The following PCDHGA3 variants were observed in gnomAD, a reference collection of about 807,000 sequenced individuals.
The protein encoded by PCDHGA3 is protocadherin gamma-A3.
In PCDHGA3, 40 loss-of-function variants were observed where a neutral mutation model predicts 58.5. The ratio of observed to expected loss-of-function variants is 0.68; its 90% CI spans 0.53 to 0.89. The LOEUF is 0.89. PCDHGA3 is among the 40% of genes least tolerant of loss of function. The pLI is 0.00. For synonymous variants in PCDHGA3, 530 were observed against 525.7 expected (o/e 1.01, Z -0.11); for missense variants, 1,223 against 1,195.9 (o/e 1.02, Z -0.33).
At chr5:141,483,745 T>C (rs1288301129) in intron 1 of PCDHGA3, among the ~76,000 whole-genome samples, 1 of 152,130 alleles carries the variant, frequency 6.6e-6, no homozygotes, top group Non-Finnish European at 1.5e-5. Flanking sequence ...AGGATATTCC[T>C]GAGGATCGAG....
At chr5:141,463,725 C>T (rs1259646105) in intron 1 of PCDHGA3, among the ~76,000 whole-genome samples, 2 of 152,026 alleles carry the variant, frequency 1.3e-5, no homozygotes, top group Non-Finnish European at 1.5e-5. Context: ...GGATTACAGG[C>T]ATGAGCCACC....
intron 1 of PCDHGA3, chr5:141,416,492 A>G (rs183273356): frequency 1.4e-4 from 22 of 152,306 alleles, no homozygotes; most frequent in Admixed American, 1.4e-3. Flanking sequence ...AACAGGAGCA[A>G]GAGATATATG....
intron 1 of PCDHGA3, chr5:141,365,318 A>G (rs1588611764): frequency 1.2e-6 from 2 of 1,613,922 alleles, no homozygotes; most frequent in East Asian, 2.2e-5. Flanking sequence ...TCTTGTTGCC[A>G]GCGCTAAGGT....
intron 1 of PCDHGA3, chr5:141,478,217 G>A: frequency 2.5e-6 from 4 of 1,614,094 alleles, no homozygotes. Flanking sequence ...TCTAATCCTG[G>A]TTTCTGTGGG....
chr5:141,419,354 C>G (rs1444462815), intron 1 of PCDHGA3: 1 of 1,613,828 alleles, frequency 6.2e-7, no homozygotes, highest in Admixed American at 1.7e-5. Flanking sequence ...CCTGGAGTCA[C>G]GAACGCTGTC....
chr5:141,383,505 G>C (rs1461557707), intron 1 of PCDHGA3: 10 of 1,612,818 alleles, frequency 6.2e-6, no homozygotes, highest in Admixed American at 1.7e-5. Context: ...TGCTGGACCG[G>C]GAGGAAGAGC....
At chr5:141,359,134 T>C (rs1761128999) in intron 1 of PCDHGA3, among the ~76,000 whole-genome samples, 2 of 152,242 alleles carry the variant, frequency 1.3e-5, no homozygotes, top group African/African-American at 4.8e-5. Flanking sequence ...ATACATAGAG[T>C]AAGCTGGAAT....
chr5:141,351,809 G>T, intron 1 of PCDHGA3: 2 of 1,613,290 alleles, frequency 1.2e-6, no homozygotes, highest in South Asian at 1.1e-5. Flanking sequence ...GCGCGCCTTC[G>T]ACCACGAGCA....
rs1193913863 is a variant in PCDHGA3, at chr5:141,344,427, A to G, written c.394A>G (p.Asn132Asp). 2 of 1,613,058 alleles carry G rather than the reference A, an allele frequency of 1.2e-6. No individual in the cohort carries two copies. The highest frequency in any genetic ancestry group is 1.7e-6 in the Non-Finnish European group (2 of 1,179,524). The change falls in exon 1 of 4, where the codon AAT becomes GAT. Residue 132 changes from asparagine to aspartate, a missense_variant. By Grantham distance (23) the Asn-to-Asp change is conservative. This residue lies in a region of PCDHGA3 where 791 missense variants were observed against 708.5 expected (regional missense o/e 1.12). Transcript: ENST00000253812. ...TAAAGATATTAATGATAATGCTCCT[A>G]ATTTCCCAACAGAGGAATTGGAAAT... ...EIKDINDNAP[N>D]FPTEELEIKI...
chr5:141,373,545 G>A (rs1396644712), intron 1 of PCDHGA3, among the ~76,000 whole-genome samples: 1 of 152,122 alleles, frequency 6.6e-6, no homozygotes, highest in African/African-American at 2.4e-5. Context: ...TGTGGTTGTT[G>A]GTACCCTTAC....
chr5:141,376,530 G>C (rs200613052), intron 1 of PCDHGA3: 3 of 1,613,550 alleles, frequency 1.9e-6, no homozygotes, highest in African/African-American at 1.3e-5. Context: ...CCGCCTAAGC[G>C]GGAAGAGTAA....
At position 141,476,632 on chromosome 5, in the gene PCDHGA3, T is replaced by A. The variant is rs994726301; in HGVS notation, c.2425-18175T>A. ...TGGGAAGCAACTCTTTACAAACCTATGAGCTGAGCCGAAATGAATACTTTG... is the reference window on the plus strand; with the variant it reads ...TGGGAAGCAACTCTTTACAAACCTAAGAGCTGAGCCGAAATGAATACTTTG... On this transcript the variant is annotated intron_variant, in intron 1 of 3. Transcript: ENST00000253812. The surrounding 1 kb of genome is among the most constrained non-coding windows in gnomAD (Gnocchi z 7.6). 1 of 1,614,216 alleles carries A rather than the reference T, an allele frequency of 6.2e-7. No individual in the cohort carries two copies. The highest frequency in any genetic ancestry group is 8.5e-7 in the Non-Finnish European group (1 of 1,180,028).
intron 1 of PCDHGA3, among the ~76,000 whole-genome samples, chr5:141,437,034 C>T (rs1282216386): frequency 1.3e-5 from 2 of 152,194 alleles, no homozygotes. Context: ...AAATGGATCA[C>T]CGAAACCAGA....
chr5:141,374,934 T>C (rs1296373171), intron 1 of PCDHGA3: 2 of 1,614,038 alleles, frequency 1.2e-6, no homozygotes, highest in Admixed American at 1.7e-5. Context: ...TTTGTGAAGA[T>C]TACAGAAAAG....
At chr5:141,472,980 CAAA>C (rs60579131) in intron 1 of PCDHGA3, among the ~76,000 whole-genome samples, 10 of 86,092 alleles carry the variant, frequency 1.2e-4, no homozygotes, top group Non-Finnish European at 1.2e-4. Context: ...GAGTGAAACT[CAAA>C]AAAAAAAAAA....
At chr5:141,423,050 G>T (rs1434973750) in intron 1 of PCDHGA3, 2 of 1,614,068 alleles carry the variant, frequency 1.2e-6, no homozygotes, top group Admixed American at 1.7e-5. Context: ...CTGTCCTATC[G>T]CCTGCTTAAG....
rs2099713635 is a variant in PCDHGA3, at chr5:141,491,418, T to C, written c.2425-3389T>C. The C allele has an allele frequency of 6.2e-7, 1 of 1,613,796 alleles. No individual in the cohort carries two copies. Among genetic ancestry groups the C allele is most frequent in the Non-Finnish European group, 8.5e-7 (1 of 1,179,944 alleles). On this transcript the variant is annotated intron_variant, in intron 1 of 3. Transcript: ENST00000253812. The surrounding 1 kb of genome is among the most constrained non-coding windows in gnomAD (Gnocchi z 6.9). The stretch of plus-strand genomic sequence containing the variant: ...AGGGAAACGCAGACGGGGACGGGGG[T>C]GGAGGGCAGTGCTGCAGGCGCCAGG...
intron 1 of PCDHGA3, chr5:141,391,093 C>A (rs1473023690): frequency 6.6e-6 from 1 of 152,148 alleles, no homozygotes; most frequent in Non-Finnish European, 1.5e-5. Flanking sequence ...GCCTTATCTG[C>A]AGCCCTAAAC....
intron 1 of PCDHGA3, chr5:141,383,080 G>C: frequency 1.9e-6 from 3 of 1,613,930 alleles, no homozygotes; most frequent in Non-Finnish European, 2.5e-6. Context: ...GGAGCTGGCG[G>C]AGCGCGGAGT....
Sources: allele counts gnomAD v4.1 joint callset (sites outside exome capture counted in the v4.1 genomes callset), GRCh38; gene constraint gnomAD v4.1.1; regional missense constraint gnomAD v4.1.1; non-coding constraint Gnocchi (gnomAD v3.1); transcripts MANE v1.5; gene names NCBI Gene and HGNC (gene_info 2026-07-23, HGNC 2026-07-21).